MACROD2: variants seen among roughly 807,000 people sequenced by gnomAD.
MACROD2 encodes the protein mono-ADP ribosylhydrolase 2, also known as ADP-ribose glycohydrolase MACROD2.
In MACROD2, 36 loss-of-function variants were observed where a neutral mutation model predicts 70.4. The ratio of observed to expected loss-of-function variants is 0.51; its 90% CI spans 0.39 to 0.68. MACROD2 has a LOEUF of 0.68. Ranked by LOEUF, MACROD2 falls within the 30% of genes least tolerant of loss-of-function variation. The pLI is 0.00. For synonymous variants in MACROD2, 172 were observed against 178.8 expected, an observed-to-expected ratio of 0.96 and a Z score of 0.30; for missense variants, 496 against 538.4, an observed-to-expected ratio of 0.92 and a Z score of 0.78.
intron 3 of MACROD2, among the ~76,000 whole-genome samples, chr20:14,335,556 C>CA (rs2082920539): frequency 6.6e-6 from 1 of 152,016 alleles, no homozygotes; most frequent in African/African-American, 2.4e-5. Flanking sequence ...ATTTGCTATC[C>CA]AATTATATAT....
intron 4 of MACROD2, among the ~76,000 whole-genome samples, chr20:14,619,103 G>A (rs1316498792): frequency 1.3e-5 from 2 of 151,946 alleles, no homozygotes; most frequent in Non-Finnish European, 2.9e-5. Flanking sequence ...CACATACTAT[G>A]TAAAGATATC....
intron 5 of MACROD2, among the ~76,000 whole-genome samples, chr20:14,904,466 T>C (rs2073934708): frequency 6.6e-6 from 1 of 152,082 alleles, no homozygotes; most frequent in African/African-American, 2.4e-5. Context: ...AATATATAGG[T>C]GGGTACATAT....
At chr20:16,048,207 A>T (rs1279794425) in intron 17 of MACROD2, among the ~76,000 whole-genome samples, 3 of 152,230 alleles carry the variant, frequency 2.0e-5, no homozygotes. Flanking sequence ...AGAACACACA[A>T]GGAAATGATC....
intron 3 of MACROD2, among the ~76,000 whole-genome samples, chr20:14,354,801 G>T (rs140904049): frequency 7.0e-4 from 107 of 152,106 alleles, no homozygotes; most frequent in African/African-American, 2.4e-3. Context: ...TGTATTCCCA[G>T]GTATTTTATT....
At chr20:15,709,103 A>T (rs1446323690) in intron 8 of MACROD2, among the ~76,000 whole-genome samples, 2 of 152,098 alleles carry the variant, frequency 1.3e-5, no homozygotes, top group African/African-American at 4.8e-5. Flanking sequence ...GGGTTCTTTG[A>T]TGGCAAAGAA....
rs561899535 is a variant in MACROD2 at position 14,207,645 on chromosome 20, A to G, written c.271+121917A>G. On this transcript the variant is annotated intron_variant, in intron 3 of 17. Coordinates refer to ENST00000684519, the MANE Select transcript of MACROD2 (RefSeq NM_001351661.2). ...AAAATTACAGATAACTCAGAAAGCTATTCGGTTATGAGGCAGAAAAGAACT... is the reference window on the plus strand; with the variant it reads ...AAAATTACAGATAACTCAGAAAGCTGTTCGGTTATGAGGCAGAAAAGAACT... Among the ~76,000 whole-genome samples the G allele has an allele frequency of 8.3e-4, 127 of 152,344 alleles. 1 individual carries two copies. Among genetic ancestry groups the G allele is most frequent in the Middle Eastern group, 6.8e-3 (2 of 294 alleles).
chr20:14,600,567 A>T (rs1008964384), intron 4 of MACROD2, among the ~76,000 whole-genome samples: 1 of 152,102 alleles, frequency 6.6e-6, no homozygotes, highest in Non-Finnish European at 1.5e-5. Flanking sequence ...TTCAAATGTT[A>T]ATTTAGTCTT....
At chr20:16,034,577 A>G (rs953143226) in intron 15 of MACROD2, among the ~76,000 whole-genome samples, 11 of 151,944 alleles carry the variant, frequency 7.2e-5, no homozygotes, top group African/African-American at 2.4e-4. Flanking sequence ...GTTTTCTTCC[A>G]TTTTAGAACC....
intron 3 of MACROD2, among the ~76,000 whole-genome samples, chr20:14,348,337 T>C (rs955064438): frequency 1.3e-5 from 2 of 151,742 alleles, no homozygotes; most frequent in African/African-American, 4.8e-5. Flanking sequence ...TATTAGAACA[T>C]GGAATAAAAA....
At chr20:15,165,271 C>T (rs762920222) in intron 5 of MACROD2, among the ~76,000 whole-genome samples, 31 of 152,226 alleles carry the variant, frequency 2.0e-4, no homozygotes, top group South Asian at 6.2e-4. Context: ...GCCTGGCCAA[C>T]GTGGTAAAAC....
At chr20:14,457,138 C>T (rs1448534050) in intron 3 of MACROD2, among the ~76,000 whole-genome samples, 1 of 152,038 alleles carries the variant, frequency 6.6e-6, no homozygotes, top group East Asian at 1.9e-4. Context: ...AAAGTGGAGA[C>T]ATCAGGGGCT....
At chr20:15,151,039 C>T (rs1169296356) in intron 5 of MACROD2, among the ~76,000 whole-genome samples, 2 of 151,962 alleles carry the variant, frequency 1.3e-5, no homozygotes, top group Non-Finnish European at 2.9e-5. Flanking sequence ...ACCTAAAGCT[C>T]GGCGTCCACG....
rs138372838 is a variant in MACROD2, at chr20:15,635,172, T to C, written c.645+135325T>C. Among the ~76,000 whole-genome samples, 1,158 of 152,338 alleles carry C rather than the reference T, an allele frequency of 7.6e-3. 6 individuals carry two copies. Among genetic ancestry groups the C allele is most frequent in the Middle Eastern group, 0.024 (7 of 294 alleles). ...CATTCTACATGAAATACCAGGTTTC[T>C]GTTTCCTGCAGTCAACTTTGACTGA... On this transcript the variant is annotated intron_variant, in intron 8 of 17. Transcript: ENST00000684519.
chr20:15,095,643 G>A lies in MACROD2; in HGVS notation c.419-134297G>A, dbSNP rs145096333. Among the ~76,000 whole-genome samples, 140 of 151,376 alleles carry A rather than the reference G, an allele frequency of 9.2e-4. 1 individual carries two copies. The highest frequency in any genetic ancestry group is 2.9e-3 in the African/African-American group (118 of 41,262). ...CGCCATTCTCCTGCCTCAGCCTCCC[G>A]AGTAGCTGGGACTACAGGCATCTGC... On this transcript the variant is annotated intron_variant, in intron 5 of 17. Transcript: ENST00000684519.
At chr20:14,979,719 A>G (rs1173068490) in intron 5 of MACROD2, among the ~76,000 whole-genome samples, 1 of 152,224 alleles carries the variant, frequency 6.6e-6, no homozygotes, top group East Asian at 1.9e-4. Context: ...TTTGCTTAAT[A>G]AGGAAATTTA....
chr20:16,022,231 T>A (rs1467744602), intron 15 of MACROD2, among the ~76,000 whole-genome samples: 4 of 152,112 alleles, frequency 2.6e-5, no homozygotes, highest in Non-Finnish European at 5.9e-5. Flanking sequence ...TTTGTAGTTT[T>A]TAGTAGAGAC....
chr20:14,870,506 G>A (rs769141153), intron 5 of MACROD2, among the ~76,000 whole-genome samples: 3 of 151,986 alleles, frequency 2.0e-5, no homozygotes, highest in Non-Finnish European at 4.4e-5. Context: ...TTAAGTCTTC[G>A]AGGAATCCCC....
At position 16,041,201 on chromosome 20, in the gene MACROD2, C is replaced by T. The variant is rs1601368692; in HGVS notation, c.1154C>T (p.Ala385Val). 1.9e-6 allele frequency: 3 copies of T among 1,610,908 alleles called. No individual in the cohort carries two copies. Among genetic ancestry groups the T allele is most frequent in the African/African-American group, 2.7e-5 (2 of 74,754 alleles). The change falls in exon 16 of 18, where the codon GCT becomes GTT. Residue 385 changes from alanine (A) to valine (V), a missense_variant and splice_region_variant. Transcript: ENST00000684519. The stretch of plus-strand genomic sequence containing the variant: ...GGACTGTGGTCTTTTTCTCTTCCAG[C>T]TCCAGGCGAGGACACACCTAGGATG... ...EDQEEKEGEK[A>V]PGEDTPRMPG... is the part of the protein sequence containing the mutation.
At chr20:15,697,387 T>C (rs1381717647) in intron 8 of MACROD2, among the ~76,000 whole-genome samples, 1 of 152,220 alleles carries the variant, frequency 6.6e-6, no homozygotes, top group Non-Finnish European at 1.5e-5. Flanking sequence ...AGAGTTGAGT[T>C]CCAAATTTAT....
Sources: gnomAD v4.1 joint callset for allele counts (sites outside exome capture counted in the v4.1 genomes callset) on GRCh38, gnomAD v4.1.1 for gene constraint, MANE v1.5 for transcripts, NCBI Gene and HGNC (gene_info 2026-07-23, HGNC 2026-07-21) for gene names.